The following WDR70 variants were observed in gnomAD, a reference collection of about 807,000 sequenced individuals.
WDR70 encodes WD repeat-containing protein 70.
A neutral mutation model predicts 88.6 loss-of-function variants in WDR70; 53 were observed. The ratio of observed to expected loss-of-function variants is 0.60; its 90% CI spans 0.48 to 0.75. The LOEUF (loss-of-function observed/expected upper bound fraction) is 0.75, where lower values mean the gene tolerates loss of function less well. Among genes scored for constraint, WDR70 ranks in the 30% least tolerant of loss-of-function variants. WDR70 has a pLI of 0.00. For synonymous variants in WDR70, 280 were observed against 270.0 expected (o/e 1.04, Z -0.36); for missense variants, 610 against 823.2 (o/e 0.74, Z 3.17).
At chr5:37,393,129 G>A (rs1037591997) in intron 4 of WDR70, among the ~76,000 whole-genome samples, 1 of 152,050 alleles carries the variant, frequency 6.6e-6, no homozygotes, top group Non-Finnish European at 1.5e-5. Flanking sequence ...TGCAACCTCC[G>A]CCTCCCGGGT....
intron 7 of WDR70, among the ~76,000 whole-genome samples, chr5:37,476,225 C>T (rs1358790704): frequency 1.3e-5 from 2 of 152,192 alleles, no homozygotes; most frequent in African/African-American, 2.4e-5. Flanking sequence ...TTCTTTTAGT[C>T]GTTAGTCTAA....
intron 7 of WDR70, among the ~76,000 whole-genome samples, chr5:37,469,246 T>C (rs954438272): frequency 1.3e-5 from 2 of 151,978 alleles, no homozygotes; most frequent in Admixed American, 1.3e-4. Context: ...ATCTACCCGA[T>C]AGTAGGGTGG....
chr5:37,452,016 A>AAC (rs1561857825), intron 7 of WDR70, among the ~76,000 whole-genome samples: 9 of 151,464 alleles, frequency 5.9e-5, no homozygotes, highest in African/African-American at 2.2e-4. Context: ...ACAACAACAA[A>AAC]AAAGAAAAAA....
intron 10 of WDR70, among the ~76,000 whole-genome samples, chr5:37,663,167 T>G (rs1326243912): frequency 1.3e-5 from 2 of 152,206 alleles, no homozygotes; most frequent in African/African-American, 2.4e-5. Flanking sequence ...TTTAACAAAG[T>G]GATTTTAAAA....
Position 37,449,602 on chromosome 5 carries a change from AATAAAAAAT to A in WDR70, c.686+6232_686+6240del, listed in dbSNP as rs770950141. Among the ~76,000 whole-genome samples the A allele has an allele frequency of 8.9e-3, 256 of 28,682 alleles. 2 individuals are homozygous for A. The Middle Eastern group carries it at 0.091, about 10-fold the overall frequency. 18.8% of individuals were successfully genotyped at this position (28,682 alleles called of 152,430 possible). A position where few individuals can be genotyped will look rare whatever the true frequency, so the allele number is the denominator to read the frequency against. Reference sequence around the variant, plus strand: ...TGAAATTTTGTCTCAAAAAAAAAAAAATAAAAAATAAAAAATAAATAAATAAATAAATAA... The same window carrying A: ...TGAAATTTTGTCTCAAAAAAAAAAAAAAAAAATAAATAAATAAATAAATAA... On this transcript the variant is annotated intron_variant, in intron 7 of 17. Coordinates refer to ENST00000265107, the MANE Select transcript of WDR70 (RefSeq NM_018034.4).
At chr5:37,672,551 T>G (rs958370556) in intron 10 of WDR70, among the ~76,000 whole-genome samples, 9 of 152,162 alleles carry the variant, frequency 5.9e-5, no homozygotes, top group Admixed American at 5.9e-4. Flanking sequence ...GAGAGAAACA[T>G]AAATCTGGCC....
intron 9 of WDR70, among the ~76,000 whole-genome samples, chr5:37,604,792 G>T (rs1345814396): frequency 2.6e-5 from 4 of 152,166 alleles, no homozygotes; most frequent in South Asian, 2.1e-4. Context: ...GAGAGGGACA[G>T]AATTAATAAC....
chr5:37,399,569 T>C (rs1749134475), intron 5 of WDR70, among the ~76,000 whole-genome samples: 1 of 152,256 alleles, frequency 6.6e-6, no homozygotes, highest in Non-Finnish European at 1.5e-5. Flanking sequence ...TTTAGAATGC[T>C]TTTGGTGAAA....
intron 17 of WDR70, among the ~76,000 whole-genome samples, chr5:37,736,134 A>G (rs116223267): frequency 0.012 from 1,823 of 152,254 alleles, 39 homozygotes; most frequent in African/African-American, 0.041. Flanking sequence ...AATGGGCAGG[A>G]TGTAGATCCA....
intron 8 of WDR70, among the ~76,000 whole-genome samples, chr5:37,492,146 C>T (rs1309607985): frequency 6.6e-6 from 1 of 152,024 alleles, no homozygotes; most frequent in Non-Finnish European, 1.5e-5. Flanking sequence ...CTTCTAGCCT[C>T]AAAAGACAAA....
At chr5:37,719,277 A>T (rs1747736716) in intron 13 of WDR70, among the ~76,000 whole-genome samples, 1 of 152,144 alleles carries the variant, frequency 6.6e-6, no homozygotes, top group African/African-American at 2.4e-5. Context: ...CAATTTTATT[A>T]GGAGAAAATG....
chr5:37,506,684 A>G, intron 8 of WDR70: 1 of 793,024 alleles, frequency 1.3e-6, no homozygotes, highest in South Asian at 1.3e-5. Flanking sequence ...AAACATCATC[A>G]TCCCTGATCA....
At chr5:37,662,058 G>A (rs780374252) in intron 10 of WDR70, among the ~76,000 whole-genome samples, 2 of 152,114 alleles carry the variant, frequency 1.3e-5, no homozygotes, top group African/African-American at 2.4e-5. Flanking sequence ...ATTAGTTCAC[G>A]CCCATGAATG....
rs562580795 is a variant in WDR70 at position 37,528,498 on chromosome 5, A to C, written c.917+11908A>C. Among the ~76,000 whole-genome samples the C allele has an allele frequency of 3.2e-4, 49 of 152,236 alleles. 1 individual carries two copies. The East Asian group carries it at 9.3e-3, about 29-fold the overall frequency. On this transcript the variant is annotated intron_variant, in intron 9 of 17. Transcript: ENST00000265107. ...CTGTTGTGGGTTAGGGGGAGGGGTGAGGGAGAGCATTAGGAGATATACCTA... is the reference window on the plus strand; with the variant it reads ...CTGTTGTGGGTTAGGGGGAGGGGTGCGGGAGAGCATTAGGAGATATACCTA...
At chr5:37,450,054 A>C (rs11749363) in intron 7 of WDR70, among the ~76,000 whole-genome samples, 1 of 152,036 alleles carries the variant, frequency 6.6e-6, no homozygotes, top group African/African-American at 2.4e-5. Flanking sequence ...AGCTTCATCC[A>C]TATCCCTGCA....
chr5:37,611,778 A>G, intron 10 of WDR70, among the ~76,000 whole-genome samples: 1 of 125,724 alleles, frequency 8.0e-6, no homozygotes. Flanking sequence ...TTTTGATTTC[A>G]GCCTTTTTTT....
intron 9 of WDR70, among the ~76,000 whole-genome samples, chr5:37,521,282 T>A (rs1042084430): frequency 6.9e-6 from 1 of 144,030 alleles, no homozygotes; most frequent in Non-Finnish European, 1.5e-5. Flanking sequence ...GCTTTGAATG[T>A]TATATTCCAA....
At chr5:37,737,051 A>G (rs1220591678) in intron 17 of WDR70, among the ~76,000 whole-genome samples, 1 of 152,134 alleles carries the variant, frequency 6.6e-6, no homozygotes, top group Non-Finnish European at 1.5e-5. Context: ...AATTTACCAA[A>G]TATATTCTAC....
At chr5:37,397,809 A>G (rs1161882568) in intron 5 of WDR70, among the ~76,000 whole-genome samples, 1 of 152,064 alleles carries the variant, frequency 6.6e-6, no homozygotes, top group African/African-American at 2.4e-5. Context: ...CCTGGCCAAC[A>G]TGGTGAAACC....
Sources: allele counts gnomAD v4.1 joint callset (sites outside exome capture counted in the v4.1 genomes callset), GRCh38; gene constraint gnomAD v4.1.1; transcripts MANE v1.5; gene names NCBI Gene and HGNC (gene_info 2026-07-23, HGNC 2026-07-21).